The following GRIK1 variants were observed in gnomAD, a reference collection of about 807,000 sequenced individuals.
GRIK1 encodes the protein glutamate receptor ionotropic, kainate 1.
Under a neutral mutation model 105.7 loss-of-function variants are expected in GRIK1, and 69 were observed. The ratio of observed to expected loss-of-function variants is 0.65; its 90% confidence interval spans 0.54 to 0.80. The LOEUF (loss-of-function observed/expected upper bound fraction) is 0.80. Among genes scored for constraint, GRIK1 ranks in the 30% least tolerant of loss-of-function variants. The probability of loss-of-function intolerance (pLI) is 0.00; values close to 1 mark genes in which losing one functional copy is unlikely to be tolerated. For missense variants in GRIK1, 1,109 were observed against 1,167.3 expected (o/e 0.95, Z 0.73); for synonymous variants, 438 against 431.3 (o/e 1.02, Z -0.19).
chr21:29,545,966 C>T (rs1031310697), intron 16 of GRIK1, among the ~76,000 whole-genome samples: 1 of 152,228 alleles, frequency 6.6e-6, no homozygotes, highest in Non-Finnish European at 1.5e-5. Context: ...CCTCTCTCCA[C>T]ATCCCTTCTC....
chr21:29,878,892 G>A (rs2069290783), intron 1 of GRIK1, among the ~76,000 whole-genome samples: 3 of 151,266 alleles, frequency 2.0e-5, no homozygotes, highest in Admixed American at 2.0e-4. Flanking sequence ...TTTGTCATGG[G>A]CCCTCACCAG....
intron 1 of GRIK1, among the ~76,000 whole-genome samples, chr21:29,900,247 GCAT>G (rs1223173450): frequency 2.0e-5 from 3 of 151,876 alleles, no homozygotes; most frequent in Non-Finnish European, 4.4e-5. Flanking sequence ...TAACCAGCTA[GCAT>G]CATAATGACA....
chr21:29,725,762 A>G (rs192846958), intron 1 of GRIK1, among the ~76,000 whole-genome samples: 2 of 152,362 alleles, frequency 1.3e-5, no homozygotes, highest in African/African-American at 4.8e-5. Flanking sequence ...GCATAAAACC[A>G]TAAACCAGGA....
intron 1 of GRIK1, among the ~76,000 whole-genome samples, chr21:29,765,853 T>C (rs2065648940): frequency 6.8e-6 from 1 of 147,024 alleles, no homozygotes. Context: ...CTAAGAAAAT[T>C]CTTCTTTTTT....
intron 1 of GRIK1, among the ~76,000 whole-genome samples, chr21:29,719,222 A>G (rs1426078476): frequency 1.3e-5 from 2 of 151,296 alleles, no homozygotes; most frequent in Non-Finnish European, 2.9e-5. Context: ...TAGTATTTTT[A>G]TCTGGTATTT....
intron 1 of GRIK1, among the ~76,000 whole-genome samples, chr21:29,829,894 TC>T (rs1354585296): frequency 1.3e-5 from 2 of 152,066 alleles, no homozygotes; most frequent in Non-Finnish European, 2.9e-5. Context: ...CTTAGGATAA[TC>T]ACACTAGTAA....
intron 6 of GRIK1, among the ~76,000 whole-genome samples, chr21:29,644,962 A>G (rs1200364068): frequency 6.6e-6 from 1 of 152,224 alleles, no homozygotes; most frequent in Non-Finnish European, 1.5e-5. Context: ...TCATGGGGGG[A>G]CAGGCAATAT....
intron 1 of GRIK1, among the ~76,000 whole-genome samples, chr21:29,727,376 T>G (rs2064495769): frequency 6.6e-6 from 1 of 152,218 alleles, no homozygotes; most frequent in South Asian, 2.1e-4. Flanking sequence ...TAATAGAATT[T>G]TCTTTATAAA....
At chr21:29,622,328 C>G (rs1366837115) in intron 7 of GRIK1, among the ~76,000 whole-genome samples, 1 of 152,170 alleles carries the variant, frequency 6.6e-6, no homozygotes, top group Non-Finnish European at 1.5e-5. Flanking sequence ...TTTTGAAAAG[C>G]TGAATTGCTA....
intron 1 of GRIK1, among the ~76,000 whole-genome samples, chr21:29,783,361 C>T (rs1361097009): frequency 1.3e-5 from 2 of 152,054 alleles, no homozygotes; most frequent in Non-Finnish European, 2.9e-5. Flanking sequence ...GCTGAATAAA[C>T]ATTAATATTT....
chr21:29,857,428 T>C (rs754270129), intron 1 of GRIK1, among the ~76,000 whole-genome samples: 18 of 152,208 alleles, frequency 1.2e-4, no homozygotes, highest in Non-Finnish European at 2.5e-4. Flanking sequence ...TAAGAAATGT[T>C]TCTTACAACA....
At chr21:29,878,828 G>T (rs534397409) in intron 1 of GRIK1, among the ~76,000 whole-genome samples, 1 of 152,048 alleles carries the variant, frequency 6.6e-6, no homozygotes, top group African/African-American at 2.4e-5. Flanking sequence ...CCCAGCCTCC[G>T]AATCTATGAG....
At chr21:29,865,411 A>G (rs1166358395) in intron 1 of GRIK1, among the ~76,000 whole-genome samples, 2 of 152,236 alleles carry the variant, frequency 1.3e-5, no homozygotes, top group East Asian at 3.8e-4. Flanking sequence ...AAAAATGAAA[A>G]CACTTTTATA....
intron 1 of GRIK1, 46 bp downstream of exon 1, chr21:29,939,337 G>A: frequency 8.7e-7 from 1 of 1,151,242 alleles, no homozygotes; most frequent in East Asian, 2.6e-5. Context: ...GCGTTGGTGC[G>A]GCGACCGACC....
At position 29,866,720 on chromosome 21, in the gene GRIK1, T is replaced by G. The variant is rs189604867; in HGVS notation, c.118+72663A>C. Among the ~76,000 whole-genome samples, 4 of 152,324 alleles carry G rather than the reference T, an allele frequency of 2.6e-5. No individual in the cohort carries two copies. The East Asian group carries it at 7.7e-4, about 29-fold the overall frequency. On this transcript the variant is annotated intron_variant, in intron 1 of 17. Transcript: ENST00000327783. ...TTACGGCATGTCATTAAAAAGCATG[T>G]TGAAATAACAGTATGGCACACAAAA...
intron 16 of GRIK1, among the ~76,000 whole-genome samples, chr21:29,541,044 T>G (rs1437563005): frequency 6.6e-6 from 1 of 151,338 alleles, no homozygotes; most frequent in Non-Finnish European, 1.5e-5. Context: ...CTTGGCTCAC[T>G]GCAACTTCTG....
chr21:29,690,919 A>T (rs2063572835), intron 2 of GRIK1, among the ~76,000 whole-genome samples: 1 of 152,202 alleles, frequency 6.6e-6, no homozygotes, highest in Non-Finnish European at 1.5e-5. Flanking sequence ...CTTTAACACT[A>T]TAGCATGTCT....
intron 7 of GRIK1, among the ~76,000 whole-genome samples, chr21:29,617,328 G>T (rs2061875254): frequency 6.6e-6 from 1 of 152,142 alleles, no homozygotes; most frequent in South Asian, 2.1e-4. Context: ...CAGTCTCTTT[G>T]TCTTGTGTCA....
At chr21:29,869,895 A>C (rs1457858248) in intron 1 of GRIK1, among the ~76,000 whole-genome samples, 1 of 152,172 alleles carries the variant, frequency 6.6e-6, no homozygotes, top group Non-Finnish European at 1.5e-5. Flanking sequence ...ACTGAGTATA[A>C]TTTATATATT....
Sources: allele counts gnomAD v4.1 joint callset (sites outside exome capture counted in the v4.1 genomes callset), GRCh38; gene constraint gnomAD v4.1.1; transcripts MANE v1.5; gene names NCBI Gene and HGNC (gene_info 2026-07-23, HGNC 2026-07-21).